Variants in MTERF4 observed in about 807,000 individuals in gnomAD.
MTERF4 encodes transcription termination factor 4, mitochondrial.
A neutral mutation model predicts 22.5 loss-of-function variants in MTERF4; 17 were observed. The ratio of observed to expected loss-of-function variants is 0.75; its 90% CI spans 0.52 to 1.13. The LOEUF (loss-of-function observed/expected upper bound fraction) is 1.13. Among genes scored for constraint, MTERF4 ranks in the 50% most tolerant of loss-of-function variants. The pLI, the probability that MTERF4 is intolerant of heterozygous loss-of-function variation, is 0.00. For missense variants in MTERF4, 420 were observed against 466.8 expected (o/e 0.90, Z 0.92); for synonymous variants, 165 against 175.3 (o/e 0.94, Z 0.47).
downstream of MTERF4, among the ~76,000 whole-genome samples, chr2:241,084,153 T>TTTTTTTTG (rs2063467474): frequency 6.7e-6 from 1 of 148,474 alleles, no homozygotes; most frequent in African/African-American, 2.6e-5. Flanking sequence ...TTTTTTTTTT[T>TTTTTTTTG]GAGACAAAGT....
At chr2:241,048,219 G>A in the MTERF4 span, 1 of 1,374,138 alleles carries the variant, frequency 7.3e-7, no homozygotes, top group East Asian at 2.5e-5. Flanking sequence ...AATGACAACA[G>A]AGGTGAAAAC....
At chr2:241,086,689 C>T (rs1575137743), downstream of MTERF4, among the ~76,000 whole-genome samples, 1 of 152,230 alleles carries the variant, frequency 6.6e-6, no homozygotes, top group Non-Finnish European at 1.5e-5. Context: ...CACAGGTTTT[C>T]GATCCTAAAG....
At chr2:241,064,042 A>G in the MTERF4 span, 1 of 1,557,356 alleles carries the variant, frequency 6.4e-7, no homozygotes, top group Non-Finnish European at 8.7e-7. This position sits in a 1 kb window ranked among gnomAD's most constrained non-coding sequence, Gnocchi z 7.0. Context: ...AGCCCCTGCC[A>G]GCATGGAGGC....
the MTERF4 span, among the ~76,000 whole-genome samples, chr2:241,046,919 C>T: frequency 3.9e-5 from 6 of 152,026 alleles, no homozygotes; most frequent in Admixed American, 1.3e-4. Flanking sequence ...CCAAGGCAGG[C>T]GGATCACGAG....
chr2:241,052,928 G>A, the MTERF4 span, among the ~76,000 whole-genome samples: 2 of 151,998 alleles, frequency 1.3e-5, no homozygotes, highest in African/African-American at 2.4e-5. Context: ...AGTGGGGAGC[G>A]TGGGATTTCT....
downstream of MTERF4, chr2:241,082,353 C>G (rs371924334): frequency 6.2e-7 from 1 of 1,613,196 alleles, no homozygotes; most frequent in Non-Finnish European, 8.5e-7. Flanking sequence ...AGGGAGGCGT[C>G]TGTCACCACG....
Position 241,075,857 on chromosome 2 carries a change from G to A in MTERF4, n.480-175C>T, listed in dbSNP as rs1360074113. Among the ~76,000 whole-genome samples the A allele has an allele frequency of 1.3e-5, 2 of 151,974 alleles. No homozygotes were observed. Among genetic ancestry groups the A allele is most frequent in the African/African-American group, 4.8e-5 (2 of 41,358 alleles). ...CTGTAGGTCATTAATCTGTTAGACT[G>A]TGTGTGTGTGAGAAGTTGGGCTACA... On this transcript the variant is annotated intron_variant and non_coding_transcript_variant, in intron 4 of 4. Transcript: ENST00000464344. This position sits in a 1 kb window ranked among gnomAD's most constrained non-coding sequence, Gnocchi z 4.8.
chr2:241,069,567 A>G (rs1040482638), downstream of MTERF4, among the ~76,000 whole-genome samples: 1 of 152,174 alleles, frequency 6.6e-6, no homozygotes, highest in African/African-American at 2.4e-5. This position sits in a 1 kb window ranked among gnomAD's most constrained non-coding sequence, Gnocchi z 4.9. Context: ...CCCGCCTGGC[A>G]TGGGAAAGGC....
chr2:241,049,159 G>A, the MTERF4 span: 49 of 1,580,248 alleles, frequency 3.1e-5, no homozygotes, highest in Non-Finnish European at 4.0e-5. Flanking sequence ...GGACGAGCCT[G>A]CTGGGCCGGG....
chr2:241,085,923 G>A (rs2063553848), downstream of MTERF4, among the ~76,000 whole-genome samples: 1 of 140,748 alleles, frequency 7.1e-6, no homozygotes, highest in South Asian at 2.2e-4. Context: ...CTGGAGTGCA[G>A]TGGAGCGATC....
At chr2:241,081,764 C>G (rs755846432) in intron 4 of MTERF4, 1 of 1,601,150 alleles carries the variant, frequency 6.2e-7, no homozygotes, top group Admixed American at 1.7e-5. Flanking sequence ...GACTGCGGGC[C>G]AGGGTTCAAA....
chr2:241,048,714 C>T, the MTERF4 span: 1 of 1,613,034 alleles, frequency 6.2e-7, no homozygotes, highest in Non-Finnish European at 8.5e-7. Context: ...TGGGCGCCAA[C>T]ACCACCCTCT....
chr2:241,096,934 T>C lies in MTERF4; in HGVS notation c.705+309A>G, dbSNP rs560721941. The C allele has an allele frequency of 3.0e-4, 176 of 586,180 alleles. No individual in the cohort carries two copies. The highest frequency in any genetic ancestry group is 2.5e-3 in the African/African-American group (136 of 53,560). 36.3% of individuals were successfully genotyped at this position (586,180 alleles called of 1,614,324 possible). On this transcript the variant is annotated intron_variant, in intron 3 of 3. Transcript: ENST00000391980. This position sits in a 1 kb window ranked among gnomAD's most constrained non-coding sequence, Gnocchi z 5.1. ...AGAGTCCCCACTTAGACTCTAAGAA[T>C]AGGACTGGATCATTCATTATTAATG...
chr2:241,047,361 C>T, the MTERF4 span, among the ~76,000 whole-genome samples: 1 of 152,066 alleles, frequency 6.6e-6, no homozygotes, highest in African/African-American at 2.4e-5. Flanking sequence ...GAAGCAAAAG[C>T]TGACTGAACT....
At chr2:241,066,420 G>A in the MTERF4 span, among the ~76,000 whole-genome samples, 1 of 152,336 alleles carries the variant, frequency 6.6e-6, no homozygotes, top group Non-Finnish European at 1.5e-5. Context: ...GGCCTTCCAC[G>A]GAGCCCGGCC....
chr2:241,071,935 C>G (rs774185267), downstream of MTERF4: 22 of 1,368,896 alleles, frequency 1.6e-5, no homozygotes, highest in Non-Finnish European at 2.0e-5. Context: ...CTCACTGCCA[C>G]TCTCACCAGG....
At chr2:241,065,048 C>A in the MTERF4 span, 1 of 1,033,130 alleles carries the variant, frequency 9.7e-7, no homozygotes, top group Non-Finnish European at 1.4e-6. Flanking sequence ...GAGCGTCTGG[C>A]CGCTGCTTGC....
intron 4 of MTERF4, among the ~76,000 whole-genome samples, chr2:241,079,552 G>A (rs2063227039): frequency 6.6e-6 from 1 of 152,078 alleles, no homozygotes; most frequent in South Asian, 2.1e-4. Context: ...ACTAAATGAG[G>A]AGGGAAAGAA....
intron 4 of MTERF4, among the ~76,000 whole-genome samples, chr2:241,078,314 T>C (rs56343065): frequency 3.8e-4 from 53 of 140,524 alleles, no homozygotes; most frequent in South Asian, 2.9e-3. Flanking sequence ...ACCCGGGAGG[T>C]GGAGTTTGCA....
Sources: gnomAD v4.1 joint callset for allele counts (sites outside exome capture counted in the v4.1 genomes callset) on GRCh38, gnomAD v4.1.1 for gene constraint, Gnocchi (gnomAD v3.1) non-coding constraint, MANE v1.5 for transcripts, NCBI Gene and HGNC (gene_info 2026-07-23, HGNC 2026-07-21) for gene names.